The following RBFOX1 variants were observed in gnomAD, a reference collection of about 807,000 sequenced individuals.
The protein encoded by RBFOX1 is RNA binding protein fox-1 homolog 1.
RBFOX1 carries 8 observed loss-of-function variants against 57.7 expected under a neutral mutation model. That is an observed-to-expected ratio of 0.14 (90% CI 0.08 to 0.25). The LOEUF is 0.25. Among genes scored for constraint, RBFOX1 ranks in the 10% least tolerant of loss-of-function variants. The pLI, the probability that RBFOX1 is intolerant of heterozygous loss-of-function variation, is 1.00. For missense variants in RBFOX1, 611 were observed against 548.5 expected, an observed-to-expected ratio of 1.11 and a Z score of -1.14; for synonymous variants, 326 against 222.4, an observed-to-expected ratio of 1.47 and a Z score of -4.15.
At chr16:6,836,108 C>A (rs9929939) in intron 3 of RBFOX1, among the ~76,000 whole-genome samples, 1,544 of 152,314 alleles carry the variant, frequency 0.01, 27 homozygotes, top group African/African-American at 0.035. Context: ...GGGAGACAAT[C>A]ATGCATTCCT....
At chr16:6,475,500 T>A (rs557383189) in intron 2 of RBFOX1, among the ~76,000 whole-genome samples, 1 of 152,354 alleles carries the variant, frequency 6.6e-6, no homozygotes, top group South Asian at 2.1e-4. Flanking sequence ...AGGTGATTCA[T>A]GCATTTGTCT....
At chr16:6,483,649 C>A in intron 2 of RBFOX1, 1 of 1,372,150 alleles carries the variant, frequency 7.3e-7, no homozygotes, top group Non-Finnish European at 9.5e-7. Context: ...CAGAGGCTTC[C>A]TGAAGCCCAC....
chr16:7,710,878 A>C lies in RBFOX1; in HGVS notation c.*133A>C, dbSNP rs1358779739. 1.0e-6 allele frequency: 1 copy of C among 990,020 alleles called. No homozygotes were observed. Among genetic ancestry groups the C allele is most frequent in the African/African-American group, 1.7e-5 (1 of 58,920 alleles). The allele number at this position is 990,020 out of a possible 1,614,324, so 61.3% of individuals were successfully genotyped here. A position where few individuals can be genotyped will look rare whatever the true frequency, so the allele number is the denominator to read the frequency against. Reference sequence around the variant, plus strand: ...AAAAAATACAAATAAAAAGGAAAAAAAATTACATTTTTTATCTTATACCTC... The same window carrying C: ...AAAAAATACAAATAAAAAGGAAAAACAATTACATTTTTTATCTTATACCTC... On this transcript the variant is annotated 3_prime_UTR_variant, in exon 16 of 16. Coordinates refer to ENST00000550418, the MANE Select transcript of RBFOX1 (RefSeq NM_018723.4).
chr16:6,921,643 A>ATTT lies in RBFOX1; in HGVS notation c.-15-130413_-15-130412insTTT, dbSNP rs1485522876. Among the ~76,000 whole-genome samples the ATTT allele has an allele frequency of 5.2e-3, 180 of 34,514 alleles. 1 individual carries two copies. The highest frequency in any genetic ancestry group is 0.015 in the African/African-American group (176 of 11,380). 22.6% of individuals were successfully genotyped at this position (34,514 alleles called of 152,430 possible). On this transcript the variant is annotated intron_variant, in intron 3 of 15. Coordinates refer to ENST00000550418, the MANE Select transcript of RBFOX1 (RefSeq NM_018723.4). ...AATTACTGTATATATATATATATAT[A>ATTT]TATTTTTTTTTTTCTTAGGGTTGCT...
intron 4 of RBFOX1, among the ~76,000 whole-genome samples, chr16:7,236,045 C>T (rs1294882220): frequency 1.3e-5 from 2 of 152,170 alleles, no homozygotes; most frequent in African/African-American, 2.4e-5. Context: ...AATAGTTCCT[C>T]AGATCAAAAA....
intron 3 of RBFOX1, among the ~76,000 whole-genome samples, chr16:5,765,993 C>G (rs1380394186): frequency 6.6e-6 from 1 of 152,164 alleles, no homozygotes; most frequent in Non-Finnish European, 1.5e-5. Context: ...GGTTGATTTA[C>G]AACACTGGAG....
At chr16:5,863,077 G>C (rs564019269) in intron 3 of RBFOX1, among the ~76,000 whole-genome samples, 13 of 152,200 alleles carry the variant, frequency 8.5e-5, no homozygotes, top group African/African-American at 3.1e-4. Flanking sequence ...GTTCAGACCC[G>C]GCCCCTGAAA....
intron 2 of RBFOX1, among the ~76,000 whole-genome samples, chr16:6,328,091 T>C (rs1194779875): frequency 1.3e-5 from 2 of 152,186 alleles, no homozygotes; most frequent in Admixed American, 1.3e-4. Flanking sequence ...CAAACACACA[T>C]AATGGAATAC....
intron 2 of RBFOX1, among the ~76,000 whole-genome samples, chr16:6,470,590 C>T (rs537750494): frequency 2.2e-4 from 33 of 152,328 alleles, no homozygotes; most frequent in African/African-American, 7.9e-4. Flanking sequence ...ACATATCTAT[C>T]CAGTTGCCTC....
intron 2 of RBFOX1, among the ~76,000 whole-genome samples, chr16:5,546,282 C>G (rs976922242): frequency 2.0e-5 from 3 of 152,146 alleles, no homozygotes; most frequent in African/African-American, 7.2e-5. Flanking sequence ...AAACCAGAAT[C>G]TCATCTAGGC....
chr16:6,892,338 G>C (rs1193678307), intron 3 of RBFOX1, among the ~76,000 whole-genome samples: 2 of 152,072 alleles, frequency 1.3e-5, no homozygotes, highest in Non-Finnish European at 2.9e-5. Flanking sequence ...TTTGAAAAGG[G>C]GGTTATTTTA....
chr16:6,432,991 A>G (rs917899845), intron 2 of RBFOX1, among the ~76,000 whole-genome samples: 10 of 152,196 alleles, frequency 6.6e-5, no homozygotes, highest in African/African-American at 2.4e-4. Flanking sequence ...AATAAAAATA[A>G]TGATAACAAT....
At chr16:5,934,243 T>G (rs966587776) in intron 4 of RBFOX1, among the ~76,000 whole-genome samples, 2 of 152,228 alleles carry the variant, frequency 1.3e-5, no homozygotes, top group African/African-American at 4.8e-5. Flanking sequence ...AAACACAGCT[T>G]TAATGCCTCT....
downstream of RBFOX1, chr16:5,600,259 C>G (rs545720911): frequency 1.6e-4 from 25 of 151,722 alleles, no homozygotes; most frequent in African/African-American, 5.8e-4. Flanking sequence ...CAAGATCGCG[C>G]CACTGCACCC....
chr16:6,809,113 C>G (rs1222177450), intron 3 of RBFOX1, among the ~76,000 whole-genome samples: 1 of 152,168 alleles, frequency 6.6e-6, no homozygotes, highest in Admixed American at 6.5e-5. Flanking sequence ...AAGGCAAACA[C>G]CAACCTGTCA....
intron 1 of RBFOX1, among the ~76,000 whole-genome samples, chr16:6,062,871 G>T (rs1166124447): frequency 6.6e-6 from 1 of 152,040 alleles, no homozygotes; most frequent in Non-Finnish European, 1.5e-5. Flanking sequence ...TGATGTTGTA[G>T]TCTTGAGTCT....
At position 6,007,968 on chromosome 16, in the gene RBFOX1, C is replaced by T. The variant is rs143063899; in HGVS notation, c.351+140633C>T. ...TGGCTCACATCTGTAATCCCAACAC[C>T]TTAGGAGGTTGACTTGGGCAGATCA... On this transcript the variant is annotated intron_variant, in intron 4 of 19. Coordinates refer to the RBFOX1 transcript ENST00000641259. 3.3e-3 allele frequency among the ~76,000 whole-genome samples: 504 copies of T among 152,172 alleles called. 4 individuals are homozygous for T. Among genetic ancestry groups the T allele is most frequent in the African/African-American group, 0.012 (478 of 41,500 alleles).
intron 3 of RBFOX1, among the ~76,000 whole-genome samples, chr16:6,971,867 C>T (rs930108713): frequency 6.6e-6 from 1 of 152,072 alleles, no homozygotes; most frequent in Non-Finnish European, 1.5e-5. Flanking sequence ...TAATTCCCTG[C>T]AGTGATCCGC....
chr16:6,074,598 G>C (rs768198189), intron 1 of RBFOX1, among the ~76,000 whole-genome samples: 5 of 152,172 alleles, frequency 3.3e-5, no homozygotes, highest in Non-Finnish European at 5.9e-5. Flanking sequence ...GTCTTGCAGT[G>C]GGGGAGAAAG....
Sources: gnomAD v4.1 joint callset for allele counts (sites outside exome capture counted in the v4.1 genomes callset) on GRCh38, gnomAD v4.1.1 for gene constraint, MANE v1.5 for transcripts, NCBI Gene and HGNC (gene_info 2026-07-23, HGNC 2026-07-21) for gene names.